THADA: variants seen among roughly 807,000 people sequenced by gnomAD.
THADA encodes THADA armadillo repeat containing.
THADA carries 213 observed loss-of-function variants against 219.8 expected under a neutral mutation model. The observed-to-expected ratio is 0.97, with a 90% CI of 0.87 to 1.09. THADA has a LOEUF of 1.09. Ranked by LOEUF, THADA falls within the 50% of genes least tolerant of loss-of-function variation. The pLI, the probability that THADA is intolerant of heterozygous loss-of-function variation, is 0.00. For missense variants in THADA, 2,956 were observed against 2,311.3 expected (o/e 1.28, Z -5.72); for synonymous variants, 1,018 against 828.9 (o/e 1.23, Z -3.92).
chr2:43,434,945 C>T (rs1679877206), intron 26 of THADA, among the ~76,000 whole-genome samples: 2 of 152,172 alleles, frequency 1.3e-5, no homozygotes, highest in South Asian at 2.1e-4. Flanking sequence ...ATTCACCCCT[C>T]GACACTGCTG....
chr2:43,521,730 A>C (rs1318879585), intron 22 of THADA, among the ~76,000 whole-genome samples: 1 of 152,120 alleles, frequency 6.6e-6, no homozygotes, highest in African/African-American at 2.4e-5. Context: ...GATTACTCCA[A>C]CTCCTATCCA....
intron 35 of THADA, among the ~76,000 whole-genome samples, chr2:43,286,291 C>T (rs889358738): frequency 1.3e-5 from 2 of 152,102 alleles, no homozygotes; most frequent in South Asian, 2.1e-4. Context: ...CCTTATGAGC[C>T]GTGCTAAAGG....
chr2:43,275,515 C>T (rs375381033), intron 36 of THADA, among the ~76,000 whole-genome samples: 2 of 152,200 alleles, frequency 1.3e-5, no homozygotes, highest in Admixed American at 6.5e-5. Context: ...CCTGCCTCTG[C>T]TAAGTGGAAC....
Position 43,544,403 on chromosome 2 carries a change from T to C in THADA, c.3107-3087A>G, listed in dbSNP as rs551775764. Among the ~76,000 whole-genome samples, 256 of 152,340 alleles carry C rather than the reference T, an allele frequency of 1.7e-3. 1 individual carries two copies. The highest frequency in any genetic ancestry group is 5.7e-3 in the African/African-American group (238 of 41,578). On this transcript the variant is annotated intron_variant, in intron 20 of 37. Coordinates refer to ENST00000405975, the MANE Select transcript of THADA (RefSeq NM_022065.5). The stretch of plus-strand genomic sequence containing the variant: ...GAACTGTAAAGTAGTTTTTTCCAAT[T>C]CTGTGAAGAAAGGCATTGGTAGCTT...
At position 43,326,178 on chromosome 2, in the gene THADA, A is replaced by C. The variant is rs1175997521; in HGVS notation, c.4344-5638T>G. On this transcript the variant is annotated intron_variant, in intron 30 of 37. Coordinates refer to ENST00000405975, the MANE Select transcript of THADA (RefSeq NM_022065.5). ...GTCAATGTCTGTCAAAAAAAAAAAA[A>C]AAAAAACACTTGAAAGCCACTAGTG... Among the ~76,000 whole-genome samples the C allele has an allele frequency of 4.1e-5, 6 of 146,030 alleles. No individual in the cohort carries two copies. The East Asian group carries it at 5.8e-4, about 14-fold the overall frequency.
At chr2:43,506,762 T>G (rs573931853) in intron 23 of THADA, among the ~76,000 whole-genome samples, 9 of 152,342 alleles carry the variant, frequency 5.9e-5, no homozygotes, top group Admixed American at 5.9e-4. Context: ...AATGTCACTT[T>G]AGTCACATTC....
chr2:43,514,679 T>TAA lies in THADA; in HGVS notation c.3375-5900_3375-5899insTT, dbSNP rs1437065841. On this transcript the variant is annotated intron_variant, in intron 22 of 37. Coordinates refer to ENST00000405975, the MANE Select transcript of THADA (RefSeq NM_022065.5). The stretch of plus-strand genomic sequence containing the variant: ...ATTGTATATAATAATATATAATATA[T>TAA]TATATTATATATAATATATATAATA... 2.1e-3 allele frequency among the ~76,000 whole-genome samples: 167 copies of TAA among 78,080 alleles called. 22 individuals are homozygous for TAA. The highest frequency in any genetic ancestry group is 6.6e-3 in the South Asian group (19 of 2,866). 51.2% of individuals were successfully genotyped at this position (78,080 alleles called of 152,430 possible).
chr2:43,255,774 T>C (rs1670244476), intron 36 of THADA, among the ~76,000 whole-genome samples: 1 of 152,210 alleles, frequency 6.6e-6, no homozygotes, highest in South Asian at 2.1e-4. Flanking sequence ...CCTCTGTCTG[T>C]ACTAAACGGC....
intron 22 of THADA, among the ~76,000 whole-genome samples, chr2:43,522,245 C>A (rs1692583886): frequency 6.6e-6 from 1 of 152,136 alleles, no homozygotes; most frequent in Admixed American, 6.5e-5. Context: ...AAATGATTTG[C>A]CCAAATGAAA....
chr2:43,283,370 G>C (rs191711731), intron 35 of THADA, among the ~76,000 whole-genome samples: 1 of 152,240 alleles, frequency 6.6e-6, no homozygotes, highest in Non-Finnish European at 1.5e-5. Context: ...AAATGTGGAA[G>C]CAACTTTGGA....
At chr2:43,333,468 A>T (rs1248759383) in intron 30 of THADA, among the ~76,000 whole-genome samples, 1 of 145,448 alleles carries the variant, frequency 6.9e-6, no homozygotes, top group South Asian at 2.3e-4. Context: ...TTTTTTTCCT[A>T]AAAAAAAAAA....
chr2:43,333,867 G>C (rs1193224543), intron 30 of THADA, among the ~76,000 whole-genome samples: 1 of 152,228 alleles, frequency 6.6e-6, no homozygotes, highest in Non-Finnish European at 1.5e-5. Flanking sequence ...CAGCCCATGA[G>C]GGATTTGGGA....
At chr2:43,456,480 G>A (rs1683012049) in intron 26 of THADA, among the ~76,000 whole-genome samples, 1 of 152,148 alleles carries the variant, frequency 6.6e-6, no homozygotes, top group African/African-American at 2.4e-5. Flanking sequence ...AGCCTGACCA[G>A]AGGAATACCA....
In THADA at chr2:43,570,423, T is replaced by C. The variant is rs929268534; in HGVS notation, c.2152A>G (p.Lys718Glu). The stretch of plus-strand genomic sequence containing the variant: ...TGTAAAGAAACAGAAGGGTGCTGTT[T>C]GGTTAACTCATTCTCTGGTTCACGT... ...SKREPENELT[K>E]QHPSVSLQQY... is the part of the protein sequence containing the mutation. The change falls in exon 14 of 38, where the codon AAA (lysine) becomes GAA (glutamate). Residue 718 changes from lysine to glutamate, a missense_variant. Transcript: ENST00000405975. 8 of 1,613,540 alleles carry C rather than the reference T, an allele frequency of 5.0e-6. No homozygotes were observed. In the African/African-American group the frequency reaches 1.1e-4, roughly 22 times the overall value.
chr2:43,517,579 C>T (rs1033395880), intron 22 of THADA, among the ~76,000 whole-genome samples: 1 of 152,134 alleles, frequency 6.6e-6, no homozygotes, highest in African/African-American at 2.4e-5. Context: ...GAATAGTATA[C>T]TTTCTGGGAA....
At chr2:43,334,384 G>C (rs1163829712) in intron 30 of THADA, among the ~76,000 whole-genome samples, 3 of 152,088 alleles carry the variant, frequency 2.0e-5, no homozygotes, top group African/African-American at 7.2e-5. Context: ...TTAACTTGGG[G>C]TAGCAAGTCA....
intron 20 of THADA, among the ~76,000 whole-genome samples, chr2:43,544,282 A>G (rs368971486): frequency 1.3e-5 from 2 of 152,124 alleles, no homozygotes; most frequent in Non-Finnish European, 2.9e-5. Flanking sequence ...CTGTAGCCTT[A>G]TAGCATAGTT....
chr2:43,255,117 T>C (rs1670171252), intron 36 of THADA, among the ~76,000 whole-genome samples: 1 of 152,124 alleles, frequency 6.6e-6, no homozygotes, highest in Non-Finnish European at 1.5e-5. Context: ...GAGGTGGGGA[T>C]GGGGGCAGAG....
At chr2:43,315,544 C>G (rs1452106401) in intron 31 of THADA, among the ~76,000 whole-genome samples, 1 of 151,980 alleles carries the variant, frequency 6.6e-6, no homozygotes, top group Non-Finnish European at 1.5e-5. Context: ...ATCACTGCAG[C>G]CTTGAACTCC....
Sources: allele counts gnomAD v4.1 joint callset (sites outside exome capture counted in the v4.1 genomes callset), GRCh38; gene constraint gnomAD v4.1.1; transcripts MANE v1.5; gene names NCBI Gene and HGNC (gene_info 2026-07-23, HGNC 2026-07-21).